ARID2: variants seen among roughly 807,000 people sequenced by gnomAD.
ARID2 encodes AT-rich interactive domain-containing protein 2.
Under a neutral mutation model 184.6 loss-of-function variants are expected in ARID2, and 32 were observed. The ratio of observed to expected loss-of-function variants is 0.17; its 90% CI spans 0.13 to 0.23. The LOEUF (loss-of-function observed/expected upper bound fraction) is 0.23, where lower values mean the gene tolerates loss of function less well. Ranked by LOEUF, ARID2 falls within the 10% of genes least tolerant of loss-of-function variation. The probability of loss-of-function intolerance (pLI) is 1.00; values close to 1 mark genes in which losing one functional copy is unlikely to be tolerated. For synonymous variants in ARID2, 836 were observed against 772.6 expected (o/e 1.08, Z -1.36); for missense variants, 1,696 against 2,197.6 (o/e 0.77, Z 4.56).
chr12:45,796,113 G>A (rs1942387657), intron 3 of ARID2, among the ~76,000 whole-genome samples: 1 of 151,816 alleles, frequency 6.6e-6, no homozygotes, highest in African/African-American at 2.4e-5. Flanking sequence ...TCTTAACTAA[G>A]TTTTTCTCCT....
intron 16 of ARID2, among the ~76,000 whole-genome samples, chr12:45,891,218 G>T (rs1944296892): frequency 6.6e-6 from 1 of 151,022 alleles, no homozygotes; most frequent in Non-Finnish European, 1.5e-5. Context: ...ATTAGTAATT[G>T]AAGCCTTTTA....
At chr12:45,750,534 A>C (rs141308675) in intron 3 of ARID2, among the ~76,000 whole-genome samples, 1 of 152,222 alleles carries the variant, frequency 6.6e-6, no homozygotes, top group Admixed American at 6.5e-5. Flanking sequence ...AAAAAAGATA[A>C]TATCTGGAAA....
At chr12:45,890,416 G>A (rs1391399960) in intron 16 of ARID2, among the ~76,000 whole-genome samples, 1 of 152,208 alleles carries the variant, frequency 6.6e-6, no homozygotes, top group East Asian at 1.9e-4. Context: ...GTGCACGTGT[G>A]TGCAGACTTT....
At chr12:45,861,853 G>A (rs916203916) in intron 16 of ARID2, among the ~76,000 whole-genome samples, 13 of 151,936 alleles carry the variant, frequency 8.6e-5, no homozygotes, top group African/African-American at 1.9e-4. Context: ...GACTACAAGC[G>A]TAAGCTACTA....
chr12:45,770,817 A>G (rs758900493), intron 3 of ARID2, among the ~76,000 whole-genome samples: 2 of 152,210 alleles, frequency 1.3e-5, no homozygotes, highest in Non-Finnish European at 2.9e-5. Flanking sequence ...GTTGAAGGGT[A>G]GAGATCAATC....
intron 8 of ARID2, 114 bp from the exon 9 acceptor site, chr12:45,837,207 A>C (rs1943235787): frequency 1.7e-6 from 2 of 1,161,532 alleles, no homozygotes; most frequent in African/African-American, 3.1e-5. Context: ...TTTTTACAAT[A>C]ACATTTTTTA....
intron 2 of ARID2, 45 bp downstream of exon 2, chr12:45,730,182 C>T (rs1428811740): frequency 1.6e-5 from 25 of 1,597,964 alleles, no homozygotes; most frequent in Middle Eastern, 2.0e-4. Flanking sequence ...CTGGCCTCCT[C>T]CAAAAAGTCT....
At chr12:45,833,761 C>G (rs1219140711) in intron 6 of ARID2, among the ~76,000 whole-genome samples, 2 of 152,186 alleles carry the variant, frequency 1.3e-5, no homozygotes, top group Non-Finnish European at 2.9e-5. Flanking sequence ...TGAGTTTTCT[C>G]TATTCTAGGA....
At chr12:45,738,323 A>T (rs911960918) in intron 3 of ARID2, among the ~76,000 whole-genome samples, 8 of 151,986 alleles carry the variant, frequency 5.3e-5, no homozygotes, top group Admixed American at 6.5e-5. Flanking sequence ...ATTTATTTTT[A>T]TTTATTTTTG....
intron 20 of ARID2, among the ~76,000 whole-genome samples, chr12:45,904,563 C>A (rs12305110): frequency 6.6e-6 from 1 of 151,774 alleles, no homozygotes; most frequent in African/African-American, 2.4e-5. Context: ...TGGTGGCACA[C>A]GCCTGTTGTC....
intron 12 of ARID2, among the ~76,000 whole-genome samples, chr12:45,848,262 A>G (rs1471905789): frequency 1.3e-5 from 2 of 152,064 alleles, no homozygotes; most frequent in African/African-American, 4.8e-5. Context: ...AGACAAAATG[A>G]GGTTTGAATT....
intron 11 of ARID2, among the ~76,000 whole-genome samples, chr12:45,846,446 C>T (rs1943442535): frequency 6.6e-6 from 1 of 152,122 alleles, no homozygotes; most frequent in Non-Finnish European, 1.5e-5. Flanking sequence ...ACGTGTTGAA[C>T]TGTATGACCC....
intron 3 of ARID2, among the ~76,000 whole-genome samples, chr12:45,775,587 AT>A (rs1941960738): frequency 6.6e-6 from 1 of 152,228 alleles, no homozygotes; most frequent in Non-Finnish European, 1.5e-5. Context: ...ATTACAAAGC[AT>A]TTTAAAGCTT....
chr12:45,752,443 A>G (rs1314175858), intron 3 of ARID2, among the ~76,000 whole-genome samples: 1 of 152,214 alleles, frequency 6.6e-6, no homozygotes, highest in Non-Finnish European at 1.5e-5. Flanking sequence ...GCCAAATACT[A>G]TATGGGATTC....
At chr12:45,843,150 T>A (rs550134804) in intron 11 of ARID2, among the ~76,000 whole-genome samples, 2 of 152,148 alleles carry the variant, frequency 1.3e-5, no homozygotes, top group Non-Finnish European at 2.9e-5. Flanking sequence ...CTTTTTTTTT[T>A]AAGTTTCTGG....
In ARID2 at chr12:45,905,562, A is replaced by G; in HGVS notation, c.*484A>G. 1 of 233,372 alleles carries G rather than the reference A, an allele frequency of 4.3e-6. No homozygotes were observed. The highest frequency in any genetic ancestry group is 8.5e-6 in the Non-Finnish European group (1 of 117,866). The allele number at this position is 233,372 out of a possible 1,614,324, so 14.5% of individuals were successfully genotyped here. A position where few individuals can be genotyped will look rare whatever the true frequency, so the allele number is the denominator to read the frequency against. On this transcript the variant is annotated 3_prime_UTR_variant, in exon 21 of 21. Transcript: ENST00000334344. ...AGCACACCTATACCCCCGATCTCAG[A>G]GGGGGCCACCAATATCTAGCTATGG...
intron 4 of ARID2, among the ~76,000 whole-genome samples, chr12:45,813,779 T>C (rs1259993825): frequency 6.6e-6 from 1 of 152,130 alleles, no homozygotes; most frequent in African/African-American, 2.4e-5. Context: ...CCAATAACTT[T>C]AAGTGGCAAA....
chr12:45,813,094 TAAAAC>T (rs1942740622), intron 4 of ARID2, among the ~76,000 whole-genome samples: 1 of 152,210 alleles, frequency 6.6e-6, no homozygotes, highest in Admixed American at 6.5e-5. Context: ...AACCTGTTGT[TAAAAC>T]AACCCTTTTC....
chr12:45,798,345 A>G (rs1942431264), intron 3 of ARID2, among the ~76,000 whole-genome samples: 1 of 152,220 alleles, frequency 6.6e-6, no homozygotes, highest in Non-Finnish European at 1.5e-5. Flanking sequence ...CAAGTTACAA[A>G]CAATGTAAAT....
Sources: allele counts gnomAD v4.1 joint callset (sites outside exome capture counted in the v4.1 genomes callset), GRCh38; gene constraint gnomAD v4.1.1; transcripts MANE v1.5; gene names NCBI Gene and HGNC (gene_info 2026-07-23, HGNC 2026-07-21).